Variants in SRFBP1 observed in about 807,000 individuals in gnomAD.
SRFBP1 encodes serum response factor-binding protein 1.
A neutral mutation model predicts 45.5 loss-of-function variants in SRFBP1; 47 were observed. That is an observed-to-expected ratio of 1.03 (90% CI 0.82 to 1.32). The LOEUF is 1.32. Among genes scored for constraint, SRFBP1 ranks in the 40% most tolerant of loss-of-function variants. The pLI is 0.00. For missense variants in SRFBP1, 621 were observed against 484.6 expected (o/e 1.28, Z -2.64); for synonymous variants, 203 against 166.3 (o/e 1.22, Z -1.70).
At chr5:122,076,940 C>A (rs1433375849), downstream of SRFBP1, 1 of 1,613,928 alleles carries the variant, frequency 6.2e-7, no homozygotes, top group Non-Finnish European at 8.5e-7. Context: ...TGTACATGGA[C>A]ATCTTCTGCA....
downstream of SRFBP1, chr5:122,077,551 C>T: frequency 1.9e-6 from 3 of 1,613,366 alleles, no homozygotes; most frequent in Non-Finnish European, 1.7e-6. This position sits in a 1 kb window ranked among gnomAD's most constrained non-coding sequence, Gnocchi z 4.9. Flanking sequence ...CCGGCGCTGT[C>T]TGGTTCTCCG....
chr5:121,976,497 GAAATA>G (rs1162108255), intron 3 of SRFBP1, among the ~76,000 whole-genome samples: 1 of 151,608 alleles, frequency 6.6e-6, no homozygotes, highest in African/African-American at 2.4e-5. Flanking sequence ...ATTCCTATGA[GAAATA>G]AAATCTTTAG....
At chr5:121,964,400 G>A (rs1340689535) in intron 1 of SRFBP1, among the ~76,000 whole-genome samples, 2 of 151,922 alleles carry the variant, frequency 1.3e-5, no homozygotes, top group Non-Finnish European at 2.9e-5. Context: ...GTGTCCATGT[G>A]TTCTCATTGT....
rs142843739 is a variant in SRFBP1, at chr5:122,060,528, A to G, written n.312-14787A>G. ...AATAAGAGCAATTGACTTGATTTGT[A>G]TCAGCTGTAGTATCTACAACGACTG... On this transcript the variant is annotated intron_variant and non_coding_transcript_variant, in intron 2 of 2. Coordinates refer to the SRFBP1 transcript ENST00000504881. Among the ~76,000 whole-genome samples, 944 of 152,150 alleles carry G rather than the reference A, an allele frequency of 6.2e-3. 14 individuals are homozygous for G. The highest frequency in any genetic ancestry group is 0.022 in the African/African-American group (898 of 41,546).
At chr5:122,042,242 A>G (rs1459290042) in intron 2 of SRFBP1, among the ~76,000 whole-genome samples, 2 of 152,162 alleles carry the variant, frequency 1.3e-5, no homozygotes, top group African/African-American at 4.8e-5. Flanking sequence ...GCAGAACTAA[A>G]CAATGTAACC....
chr5:121,986,718 T>C (rs1238404267), intron 3 of SRFBP1, among the ~76,000 whole-genome samples: 1 of 152,106 alleles, frequency 6.6e-6, no homozygotes, highest in African/African-American at 2.4e-5. Flanking sequence ...GGGTTTATAC[T>C]TTTTCTGCCT....
chr5:121,992,017 A>G (rs570711126), intron 3 of SRFBP1, among the ~76,000 whole-genome samples: 1 of 152,144 alleles, frequency 6.6e-6, no homozygotes, highest in African/African-American at 2.4e-5. Flanking sequence ...TGGTATAATG[A>G]ATTATTTTAT....
chr5:121,991,522 A>G (rs1052356213), intron 3 of SRFBP1, among the ~76,000 whole-genome samples: 1 of 152,178 alleles, frequency 6.6e-6, no homozygotes, highest in Non-Finnish European at 1.5e-5. Flanking sequence ...ATCTTTGAAT[A>G]GGAACACTAA....
intron 4 of SRFBP1, among the ~76,000 whole-genome samples, chr5:122,001,528 C>A (rs1427905284): frequency 6.8e-6 from 1 of 147,892 alleles, no homozygotes; most frequent in African/African-American, 2.5e-5. Flanking sequence ...GTTAAGAAGC[C>A]AAGTCATCCT....
chr5:121,990,863 C>T (rs899744451), intron 3 of SRFBP1, among the ~76,000 whole-genome samples: 2 of 152,102 alleles, frequency 1.3e-5, no homozygotes, highest in African/African-American at 4.8e-5. Flanking sequence ...AGAATTGTTC[C>T]CAACAAGCTG....
intron 2 of SRFBP1, among the ~76,000 whole-genome samples, chr5:122,071,932 G>A (rs1308038339): frequency 6.6e-6 from 1 of 152,138 alleles, no homozygotes; most frequent in Admixed American, 6.6e-5. Context: ...TCACAGCAGT[G>A]AGACTCATAT....
At chr5:122,047,443 G>A (rs573934904) in intron 2 of SRFBP1, among the ~76,000 whole-genome samples, 75 of 152,134 alleles carry the variant, frequency 4.9e-4, no homozygotes, top group African/African-American at 1.5e-3. Flanking sequence ...TGTTTTGGTT[G>A]CTGTAGCCTT....
chr5:122,037,831 T>C (rs988517726), intron 2 of SRFBP1, among the ~76,000 whole-genome samples: 12 of 152,234 alleles, frequency 7.9e-5, no homozygotes, highest in Non-Finnish European at 4.4e-5. Context: ...ATGTAGCTCT[T>C]AATCCATCTG....
downstream of SRFBP1, among the ~76,000 whole-genome samples, chr5:122,032,973 G>C (rs1272259248): frequency 6.6e-6 from 1 of 152,002 alleles, no homozygotes; most frequent in African/African-American, 2.4e-5. Context: ...TTTGTTTTGA[G>C]ATGGAGTCTG....
intron 1 of SRFBP1, among the ~76,000 whole-genome samples, chr5:121,966,861 G>T (rs1045460659): frequency 6.6e-6 from 1 of 150,866 alleles, no homozygotes. Flanking sequence ...CTCACTGAAA[G>T]CTCCACCTCC....
At chr5:122,001,019 A>G (rs1456105944) in intron 4 of SRFBP1, among the ~76,000 whole-genome samples, 6 of 152,092 alleles carry the variant, frequency 3.9e-5, no homozygotes, top group Non-Finnish European at 8.8e-5. Flanking sequence ...TTTTTAATCA[A>G]TAAAATACTT....
downstream of SRFBP1, chr5:122,028,731 T>C (rs1292627223): frequency 6.6e-6 from 1 of 152,250 alleles, no homozygotes; most frequent in African/African-American, 2.4e-5. Flanking sequence ...TTTATTTTGA[T>C]ATAATTTCAG....
chr5:122,064,899 C>A (rs1754257468), intron 2 of SRFBP1: 3 of 152,016 alleles, frequency 2.0e-5, no homozygotes. Flanking sequence ...AATGATAGAT[C>A]TGAAATCTGT....
downstream of SRFBP1, chr5:122,077,845 T>A: frequency 3.2e-6 from 5 of 1,548,594 alleles, no homozygotes; most frequent in Non-Finnish European, 4.3e-6. The surrounding 1 kb of genome is among the most constrained non-coding windows in gnomAD (Gnocchi z 4.9). Flanking sequence ...TGTTCTCCCA[T>A]TGGATCTGCT....
Sources: gnomAD v4.1 joint callset for allele counts (sites outside exome capture counted in the v4.1 genomes callset) on GRCh38, gnomAD v4.1.1 for gene constraint, Gnocchi (gnomAD v3.1) non-coding constraint, MANE v1.5 for transcripts, NCBI Gene and HGNC (gene_info 2026-07-23, HGNC 2026-07-21) for gene names.